The following PSMD5 variants were observed in gnomAD, a reference collection of about 807,000 sequenced individuals.
PSMD5 encodes the protein proteasome 26S subunit, non-ATPase 5.
A neutral mutation model predicts 52.1 loss-of-function variants in PSMD5; 40 were observed. That is an observed-to-expected ratio of 0.77 (90% confidence interval 0.60 to 1.00). The LOEUF (loss-of-function observed/expected upper bound fraction) is 1.00, where lower values mean the gene tolerates loss of function less well. Ranked by LOEUF, PSMD5 falls within the 50% of genes least tolerant of loss-of-function variation. The pLI is 0.00. For synonymous variants in PSMD5, 211 were observed against 226.6 expected, an observed-to-expected ratio of 0.93 and a Z score of 0.62; for missense variants, 575 against 605.2, an observed-to-expected ratio of 0.95 and a Z score of 0.52.
intron 7 of PSMD5, among the ~76,000 whole-genome samples, chr9:120,822,818 C>A (rs149893129): frequency 0.011 from 1,624 of 151,988 alleles, 18 homozygotes; most frequent in African/African-American, 0.037. Context: ...TGAGCCACCT[C>A]GCCTGGCCTC....
rs1330117168 is a variant in PSMD5 at position 120,824,493 on chromosome 9, CCTGTTTT to C, written c.1000_1006del (p.Lys334GlufsTer9). The C allele has an allele frequency of 3.1e-6, 5 of 1,613,968 alleles. No homozygotes were observed. The highest frequency in any genetic ancestry group is 4.2e-6 in the Non-Finnish European group (5 of 1,179,988). ...CCTGAACAGGGCCAAGTCATACCAA[CCTGTTTT>C]CTGTAAAACCTGTTTTCCTTCAACA... On this transcript the variant is annotated frameshift_variant and splice_region_variant, in exon 7 of 10. Coordinates refer to ENST00000210313, the MANE Select transcript of PSMD5 (RefSeq NM_005047.4). LOFTEE classifies it high-confidence loss of function.
At chr9:120,832,090 T>C (rs1304075721) in intron 2 of PSMD5, 145 bp from the exon 3 acceptor site, 2 of 1,357,336 alleles carry the variant, frequency 1.5e-6, no homozygotes, top group Non-Finnish European at 1.9e-6. Flanking sequence ...CAAAATGACC[T>C]AAATTCATTC....
At chr9:120,820,236 G>A (rs1248180019) in intron 9 of PSMD5, among the ~76,000 whole-genome samples, 1 of 152,152 alleles carries the variant, frequency 6.6e-6, no homozygotes, top group Admixed American at 6.5e-5. Flanking sequence ...TACATGAAAG[G>A]AAGGTCTTTA....
At chr9:120,824,719 G>A in intron 6 of PSMD5, 34 bp from the exon 7 acceptor site, 1 of 1,529,422 alleles carries the variant, frequency 6.5e-7, no homozygotes, top group Non-Finnish European at 8.8e-7. Context: ...TTTTAATAGG[G>A]GAACAAGACA....
Position 120,826,785 on chromosome 9 carries a change from A to G in PSMD5, c.794T>C (p.Phe265Ser), listed in dbSNP as rs1588068490. Residue 265 changes from phenylalanine (F) to serine (S), a missense_variant, in exon 6 of 10, where the codon TTC (phenylalanine) becomes TCC (serine). Physicochemically the swap from Phe to Ser is radical, Grantham distance 155. Transcript: ENST00000210313. The stretch of plus-strand genomic sequence containing the variant: ...CTTACCTGGCAGATAGAAGCTAGAG[A>G]AAGGGTCTGAATCTGCCCCAACAAT... ...NIIVGADSDPFSSFYLPGFVK... is the reference protein window; with the variant it reads ...NIIVGADSDPSSSFYLPGFVK... The G allele has an allele frequency of 1.2e-6, 2 of 1,613,806 alleles. No homozygotes were observed. Among genetic ancestry groups the G allele is most frequent in the East Asian group, 4.5e-5 (2 of 44,870 alleles).
chr9:120,831,427 G>A lies in PSMD5; in HGVS notation c.465C>T (p.Thr155=). The change falls in exon 4 of 10, where the codon ACC becomes ACT. Residue 155 remains threonine (T), a synonymous_variant. Coordinates refer to ENST00000210313, the MANE Select transcript of PSMD5 (RefSeq NM_005047.4). ...CAAATAAAGCCTCCAGTCCAGCTTG[G>A]GTTAGTGATATTCTTGACAGGGATT... is the stretch of plus-strand genomic sequence containing the variant. ...AIKSLSRISL[T]QAGLEALFES... is the part of the protein sequence containing the mutation. The A allele has an allele frequency of 6.2e-7, 1 of 1,610,772 alleles. No homozygotes were observed.
At chr9:120,828,947 C>G in intron 5 of PSMD5, 152 bp downstream of exon 5, 1 of 1,142,082 alleles carries the variant, frequency 8.8e-7, no homozygotes, top group Non-Finnish European at 1.1e-6. Flanking sequence ...GTAACTTGAA[C>G]AATTTTCTAA....
At chr9:120,825,595 C>A (rs1365336666) in intron 6 of PSMD5, among the ~76,000 whole-genome samples, 1 of 151,914 alleles carries the variant, frequency 6.6e-6, no homozygotes, top group Non-Finnish European at 1.5e-5. Flanking sequence ...CTTCAATTTC[C>A]TTCATCAGTT....
intron 2 of PSMD5, among the ~76,000 whole-genome samples, chr9:120,832,393 C>CTTTTTT (rs35785525): frequency 7.1e-5 from 9 of 126,904 alleles, no homozygotes; most frequent in South Asian, 2.5e-4. Flanking sequence ...TTCCCCCAAC[C>CTTTTTT]TTTTTTTTTT....
intron 1 of PSMD5, among the ~76,000 whole-genome samples, chr9:120,836,999 C>T (rs1254272100): frequency 1.3e-5 from 2 of 151,586 alleles, no homozygotes; most frequent in Non-Finnish European, 2.9e-5. Context: ...AAGCGATTCT[C>T]CTGCCTCAGC....
At chr9:120,819,220 A>T (rs969750708) in intron 9 of PSMD5, among the ~76,000 whole-genome samples, 8 of 152,226 alleles carry the variant, frequency 5.3e-5, no homozygotes, top group Admixed American at 5.2e-4. Context: ...AAGTAGCATC[A>T]GCAACACCTG....
At chr9:120,833,204 A>T in intron 2 of PSMD5, 108 bp downstream of exon 2, 1 of 1,290,322 alleles carries the variant, frequency 7.7e-7, no homozygotes, top group Non-Finnish European at 1.1e-6. Flanking sequence ...GGGGAGAAGG[A>T]AGAGGGAAGG....
At chr9:120,833,279 T>A (rs2131431518) in intron 2 of PSMD5, 33 bp downstream of exon 2, 2 of 1,605,676 alleles carry the variant, frequency 1.2e-6, no homozygotes. Flanking sequence ...CCAGAGCAGG[T>A]GGTCAATGTC....
Position 120,817,965 on chromosome 9 carries a change from T to C in PSMD5, c.1456A>G (p.Ser486Gly), listed in dbSNP as rs761999279. 3 of 1,614,212 alleles carry C rather than the reference T, an allele frequency of 1.9e-6. No homozygotes were observed. Among genetic ancestry groups the C allele is most frequent in the Non-Finnish European group, 2.5e-6 (3 of 1,180,016 alleles). Residue 486 changes from serine (S) to glycine (G), a missense_variant, in exon 10 of 10, where the codon AGT becomes GGT. Coordinates refer to ENST00000210313, the MANE Select transcript of PSMD5 (RefSeq NM_005047.4). ...GGTTTCACATAGTATGGCCCTTCAC[T>C]CAGGTAAGTTCTGAGCCTCAAATAA... ...PNYLRLRTYLSEGPYYVKPVS... is the reference protein window; with the variant it reads ...PNYLRLRTYLGEGPYYVKPVS...
chr9:120,841,191 A>T (rs12343516), intron 1 of PSMD5, among the ~76,000 whole-genome samples: 1 of 152,090 alleles, frequency 6.6e-6, no homozygotes, highest in Admixed American at 6.5e-5. Flanking sequence ...CAAGTTTTAC[A>T]TGCCTGTGGG....
chr9:120,832,218 A>C (rs896629819), intron 2 of PSMD5, among the ~76,000 whole-genome samples: 2 of 152,212 alleles, frequency 1.3e-5, no homozygotes, highest in South Asian at 4.1e-4. Context: ...ATGTTTAGCT[A>C]CACTGACCTT....
chr9:120,842,850 C>T lies in PSMD5; in HGVS notation c.60G>A (p.Glu20=). 3 of 1,607,356 alleles carry T rather than the reference C, an allele frequency of 1.9e-6. No homozygotes were observed. The highest frequency in any genetic ancestry group is 2.5e-6 in the Non-Finnish European group (3 of 1,178,834). Reference sequence around the variant, plus strand: ...GCACGGAGTGAAGCGCGCGTAGCTCCTCCAGCGGCGCTTCCAGCCTCGCTA... The same window carrying T: ...GCACGGAGTGAAGCGCGCGTAGCTCTTCCAGCGGCGCTTCCAGCCTCGCTA... ...REVARLEAPL[E]ELRALHSVLQ... is the part of the protein sequence containing the mutation. The change falls in exon 1 of 10, where the codon GAG becomes GAA. Residue 20 remains glutamate, a synonymous_variant. Transcript: ENST00000210313.
chr9:120,831,673 T>C, intron 3 of PSMD5, 159 bp downstream of exon 3: 1 of 1,221,902 alleles, frequency 8.2e-7, no homozygotes, highest in Non-Finnish European at 1.1e-6. Context: ...TAGTATTTAC[T>C]TGACAACCAT....
intron 2 of PSMD5, 141 bp from the exon 3 acceptor site, chr9:120,832,086 G>A: frequency 7.3e-7 from 1 of 1,368,392 alleles, no homozygotes; most frequent in Non-Finnish European, 9.6e-7. Flanking sequence ...AAATCAAAAT[G>A]ACCTAAATTC....
Sources: gnomAD v4.1 joint callset for allele counts (sites outside exome capture counted in the v4.1 genomes callset) on GRCh38, gnomAD v4.1.1 for gene constraint, MANE v1.5 for transcripts, NCBI Gene and HGNC (gene_info 2026-07-23, HGNC 2026-07-21) for gene names.